TCF12: variants seen among roughly 807,000 people sequenced by gnomAD.
The protein encoded by TCF12 is transcription factor 12.
In TCF12, 45 loss-of-function variants were observed where a neutral mutation model predicts 86.0. The ratio of observed to expected loss-of-function variants is 0.52; its 90% CI spans 0.41 to 0.67. The LOEUF is 0.67. TCF12 is among the 30% of genes least tolerant of loss of function. The pLI is 0.00. For synonymous variants in TCF12, 330 were observed against 299.6 expected, an observed-to-expected ratio of 1.10 and a Z score of -1.05; for missense variants, 881 against 859.9, an observed-to-expected ratio of 1.02 and a Z score of -0.31.
intron 7 of TCF12, among the ~76,000 whole-genome samples, chr15:57,194,921 A>G (rs1013511039): frequency 1.3e-5 from 2 of 152,042 alleles, no homozygotes; most frequent in Admixed American, 1.3e-4. Flanking sequence ...TTCTTTTTTG[A>G]GACGGAGTTT....
At position 56,962,035 on chromosome 15, in the gene TCF12, A is replaced by T. The variant is rs528362914; in HGVS notation, c.148+40937A>T. 1.7e-4 allele frequency among the ~76,000 whole-genome samples: 26 copies of T among 149,052 alleles called. No homozygotes were observed. The South Asian group carries it at 5.5e-3, about 31-fold the overall frequency. On this transcript the variant is annotated intron_variant, in intron 3 of 20. Transcript: ENST00000333725. ...TAGTCCCAGCTACTCGGAGAGGCTG[A>T]GGCAGGAGAATGGCGTGAACCCGGG...
intron 5 of TCF12, among the ~76,000 whole-genome samples, chr15:57,110,947 C>T (rs1331679423): frequency 1.3e-5 from 2 of 152,118 alleles, no homozygotes; most frequent in Admixed American, 6.5e-5. Context: ...GTGTGGTTTC[C>T]TGGGCTAAAA....
intron 3 of TCF12, among the ~76,000 whole-genome samples, chr15:56,962,700 G>T (rs1315028279): frequency 6.6e-6 from 1 of 152,124 alleles, no homozygotes; most frequent in African/African-American, 2.4e-5. Context: ...GTTGTTACTA[G>T]ATCATCTCTT....
intron 13 of TCF12, among the ~76,000 whole-genome samples, chr15:57,246,176 T>C (rs530334084): frequency 6.6e-6 from 1 of 152,260 alleles, no homozygotes; most frequent in Non-Finnish European, 1.5e-5. Context: ...TTCCTTATGT[T>C]TTTGAGCATC....
intron 3 of TCF12, among the ~76,000 whole-genome samples, chr15:56,958,879 TA>T (rs2061618467): frequency 6.6e-6 from 1 of 152,012 alleles, no homozygotes; most frequent in Non-Finnish European, 1.5e-5. Flanking sequence ...ATAAGTAAAA[TA>T]AAATAAATTC....
chr15:57,219,746 G>A (rs2058497751), intron 8 of TCF12, among the ~76,000 whole-genome samples: 5 of 148,720 alleles, frequency 3.4e-5, no homozygotes, highest in Admixed American at 2.7e-4. Flanking sequence ...TTTGCGGGGG[G>A]ACGGAGTCTT....
At chr15:57,095,486 A>G (rs932621506) in intron 5 of TCF12, among the ~76,000 whole-genome samples, 29 of 152,286 alleles carry the variant, frequency 1.9e-4, no homozygotes, top group Non-Finnish European at 4.4e-5. Context: ...ATAAACTACT[A>G]TTATCTTTTT....
intron 3 of TCF12, among the ~76,000 whole-genome samples, chr15:56,974,128 G>A (rs1679966741): frequency 6.6e-6 from 1 of 152,086 alleles, no homozygotes; most frequent in Non-Finnish European, 1.5e-5. Flanking sequence ...ATATTAAATG[G>A]TAGTATTGTT....
At chr15:57,136,216 A>C (rs2052509190) in intron 5 of TCF12, among the ~76,000 whole-genome samples, 1 of 152,200 alleles carries the variant, frequency 6.6e-6, no homozygotes, top group Non-Finnish European at 1.5e-5. Flanking sequence ...TAAACACTAA[A>C]AATTGCTGAC....
intron 3 of TCF12, among the ~76,000 whole-genome samples, chr15:57,003,681 G>A (rs985128504): frequency 2.0e-5 from 3 of 152,280 alleles, no homozygotes; most frequent in African/African-American, 7.2e-5. Context: ...TTGTTATCCC[G>A]TGTGTGTCTG....
At chr15:57,061,596 G>C (rs1055327834) in intron 3 of TCF12, among the ~76,000 whole-genome samples, 1 of 152,008 alleles carries the variant, frequency 6.6e-6, no homozygotes, top group African/African-American at 2.4e-5. Flanking sequence ...GAACATGAAC[G>C]CTGCCTCTAA....
chr15:57,150,741 A>G (rs1263410220), intron 5 of TCF12, among the ~76,000 whole-genome samples: 3 of 152,154 alleles, frequency 2.0e-5, no homozygotes, highest in African/African-American at 7.2e-5. Context: ...GGCTTTTATA[A>G]ATACGCTTGA....
chr15:57,034,785 A>G (rs1835827615), intron 3 of TCF12, among the ~76,000 whole-genome samples: 2 of 152,334 alleles, frequency 1.3e-5, no homozygotes, highest in South Asian at 4.1e-4. Flanking sequence ...ATTTAAACCC[A>G]GAACTAGGAC....
At position 57,097,497 on chromosome 15, in the gene TCF12, A is replaced by G. The variant is rs1567415496; in HGVS notation, c.325+5606A>G. 2.6e-5 allele frequency among the ~76,000 whole-genome samples: 4 copies of G among 152,200 alleles called. 1 individual carries two copies. The South Asian group carries it at 8.3e-4, about 32-fold the overall frequency. On this transcript the variant is annotated intron_variant, in intron 5 of 20. Coordinates refer to ENST00000333725, the MANE Select transcript of TCF12 (RefSeq NM_207037.2). The stretch of plus-strand genomic sequence containing the variant: ...GAGCCAGATCACTTCACTGTATTCC[A>G]GCCTGGGCAACAGATCCAACCCTGT...
chr15:57,236,568 A>G (rs1378533484), intron 12 of TCF12, among the ~76,000 whole-genome samples: 4 of 152,236 alleles, frequency 2.6e-5, no homozygotes, highest in East Asian at 1.9e-4. Context: ...TATTTCCCCA[A>G]TTGTCTAATA....
At chr15:57,192,870 C>G (rs2057057210) in intron 7 of TCF12, among the ~76,000 whole-genome samples, 2 of 152,198 alleles carry the variant, frequency 1.3e-5, no homozygotes, top group Admixed American at 1.3e-4. Context: ...TTTTGGATGA[C>G]TGTTCAATTT....
chr15:57,243,808 C>G (rs1207355201), intron 13 of TCF12, among the ~76,000 whole-genome samples: 1 of 152,062 alleles, frequency 6.6e-6, no homozygotes, highest in East Asian at 1.9e-4. Context: ...GTAGTTACAA[C>G]AGGATAAAAA....
rs1389341136 is a variant in TCF12, at chr15:57,232,786, C to T, written c.900C>T (p.Gly300=). ...SLPPMSSFHR[G]STSSSPYVAA... ...CACCAATGTCCAGCTTTCATCGCGG[C>T]AGTACCAGCAGTTCACCTTACGTTG... is the stretch of plus-strand genomic sequence containing the variant. Residue 300 remains glycine, a synonymous_variant, in exon 11 of 21, where the codon GGC becomes GGT. Transcript: ENST00000333725. The T allele has an allele frequency of 6.2e-7, 1 of 1,612,938 alleles. No individual in the cohort carries two copies. The highest frequency in any genetic ancestry group is 2.2e-5 in the East Asian group (1 of 44,808).
chr15:57,043,361 A>G (rs1352621155), intron 3 of TCF12, among the ~76,000 whole-genome samples: 3 of 152,150 alleles, frequency 2.0e-5, no homozygotes, highest in Non-Finnish European at 4.4e-5. Context: ...AGGACCTGCC[A>G]TACTATTTTC....
Sources: allele counts gnomAD v4.1 joint callset (sites outside exome capture counted in the v4.1 genomes callset), GRCh38; gene constraint gnomAD v4.1.1; transcripts MANE v1.5; gene names NCBI Gene and HGNC (gene_info 2026-07-23, HGNC 2026-07-21).